NMT2: variants seen among roughly 807,000 people sequenced by gnomAD.
NMT2 encodes N-myristoyltransferase 2.
A neutral mutation model predicts 65.4 loss-of-function variants in NMT2; 35 were observed. The observed-to-expected ratio is 0.54, with a 90% CI of 0.41 to 0.71. The LOEUF is 0.71. Ranked by LOEUF, NMT2 falls within the 30% of genes least tolerant of loss-of-function variation. The pLI is 0.00. For synonymous variants in NMT2, 226 were observed against 231.8 expected (o/e 0.98, Z 0.23); for missense variants, 489 against 611.3 (o/e 0.80, Z 2.11).
intron 1 of NMT2, among the ~76,000 whole-genome samples, chr10:15,148,443 T>C (rs1847036222): frequency 6.6e-6 from 1 of 151,984 alleles, no homozygotes; most frequent in Admixed American, 6.6e-5. Context: ...AGTCCAGGAG[T>C]TTGAGGCTGC....
rs1845297073 is a variant in NMT2 at position 15,106,187 on chromosome 10, CT to C, written c.*3007del. On this transcript the variant is annotated 3_prime_UTR_variant, in exon 12 of 12. Coordinates refer to ENST00000378165, the MANE Select transcript of NMT2 (RefSeq NM_004808.3). ...TTTTGTAATTTTAGTAGAGATAGGG[CT>C]TCACCATGTTGGCCAGGCTGGTCTC... 2 of 227,268 alleles carry C rather than the reference CT, an allele frequency of 8.8e-6. No homozygotes were observed. Among genetic ancestry groups the C allele is most frequent in the African/African-American group, 4.8e-5 (2 of 41,880 alleles). 14.1% of individuals were successfully genotyped at this position (227,268 alleles called of 1,614,324 possible).
intron 6 of NMT2, among the ~76,000 whole-genome samples, chr10:15,130,703 CAAAAAAAAAAAAAAAA>C (rs974360507): frequency 3.5e-5 from 1 of 28,634 alleles, no homozygotes; most frequent in Non-Finnish European, 6.7e-5. Flanking sequence ...GGCCCTGTCT[CAAAAAAAAAAAAAAAA>C]AAAAAAAAGA....
At chr10:15,123,566 T>C (rs1297558952) in intron 8 of NMT2, among the ~76,000 whole-genome samples, 2 of 151,572 alleles carry the variant, frequency 1.3e-5, no homozygotes, top group African/African-American at 2.4e-5. Flanking sequence ...GAAATAACTT[T>C]TGAAAAGCAA....
intron 8 of NMT2, among the ~76,000 whole-genome samples, chr10:15,127,044 A>T (rs557183129): frequency 7.2e-5 from 11 of 151,804 alleles, no homozygotes; most frequent in Admixed American, 7.2e-4. Context: ...CAGCCTGGCC[A>T]ACATGGTGAA....
rs1845370430 is a variant in NMT2 at position 15,108,120 on chromosome 10, T to C, written c.*1075A>G. ...TCCTTTTCTTCATATATCCTTGATG[T>C]TGCTGAGAAGAAACTGAACTTTGCA... On this transcript the variant is annotated 3_prime_UTR_variant, in exon 12 of 12. Coordinates refer to ENST00000378165, the MANE Select transcript of NMT2 (RefSeq NM_004808.3). 7 of 985,332 alleles carry C rather than the reference T, an allele frequency of 7.1e-6. No individual in the cohort carries two copies. Among genetic ancestry groups the C allele is most frequent in the Non-Finnish European group, 8.4e-6 (7 of 829,924 alleles). 61.0% of individuals were successfully genotyped at this position (985,332 alleles called of 1,614,324 possible).
intron 6 of NMT2, among the ~76,000 whole-genome samples, chr10:15,131,441 G>A (rs955113626): frequency 1.3e-5 from 2 of 151,260 alleles, no homozygotes; most frequent in African/African-American, 2.4e-5. Flanking sequence ...GAATCACTAC[G>A]ACCTGCCCGT....
chr10:15,110,388 G>T (rs772535995), intron 10 of NMT2, among the ~76,000 whole-genome samples: 1 of 152,220 alleles, frequency 6.6e-6, no homozygotes, highest in Non-Finnish European at 1.5e-5. Context: ...GCCAAGGTGG[G>T]AGGCTCACTG....
intron 9 of NMT2, among the ~76,000 whole-genome samples, chr10:15,118,762 G>A (rs1444229916): frequency 6.6e-6 from 1 of 152,110 alleles, no homozygotes; most frequent in African/African-American, 2.4e-5. Flanking sequence ...CCATACCCAC[G>A]TCTTGTGAGG....
At chr10:15,141,687 G>A (rs993113964) in intron 1 of NMT2, 130 bp from the exon 2 acceptor site, 3 of 1,214,044 alleles carry the variant, frequency 2.5e-6, no homozygotes, top group Non-Finnish European at 3.4e-6. Context: ...GTGTTAGGAT[G>A]TAGGTGAGGA....
At chr10:15,167,511 T>A (rs1373793198) in intron 1 of NMT2, among the ~76,000 whole-genome samples, 2 of 151,984 alleles carry the variant, frequency 1.3e-5, no homozygotes, top group Admixed American at 6.6e-5. Flanking sequence ...CTCACCATGG[T>A]TCGAAAAATC....
At chr10:15,112,174 TTATATATATATATATATATATATA>T in intron 10 of NMT2, among the ~76,000 whole-genome samples, 44 of 28,872 alleles carry the variant, frequency 1.5e-3, no homozygotes, top group Middle Eastern at 0.019. Flanking sequence ...GATATGGGCT[TTATATATATATATATATATATATA>T]TATATATATA....
chr10:15,155,619 G>C (rs1564589903), intron 1 of NMT2, among the ~76,000 whole-genome samples: 1 of 136,320 alleles, frequency 7.3e-6, no homozygotes. Flanking sequence ...CTGGGCTCAA[G>C]TGATCCTCCC....
chr10:15,158,619 T>A (rs955167119), intron 1 of NMT2, among the ~76,000 whole-genome samples: 2 of 152,216 alleles, frequency 1.3e-5, no homozygotes, highest in African/African-American at 4.8e-5. Flanking sequence ...GAAAGTGCTG[T>A]CTCCATGCAC....
At chr10:15,151,649 C>T (rs981153445) in intron 1 of NMT2, among the ~76,000 whole-genome samples, 4 of 152,214 alleles carry the variant, frequency 2.6e-5, no homozygotes, top group African/African-American at 9.6e-5. Flanking sequence ...ATTTGACAGA[C>T]AAACAGGGAC....
intron 1 of NMT2, among the ~76,000 whole-genome samples, chr10:15,142,035 C>A (rs997034555): frequency 2.0e-5 from 3 of 152,254 alleles, no homozygotes; most frequent in African/African-American, 4.8e-5. Context: ...GGGGGGCTAA[C>A]AATGAAAAGC....
At chr10:15,140,073 G>A (rs917981931) in intron 2 of NMT2, among the ~76,000 whole-genome samples, 6 of 151,486 alleles carry the variant, frequency 4.0e-5, no homozygotes, top group Admixed American at 2.6e-4. Flanking sequence ...CCAAGCTCAA[G>A]GTCTCAGACA....
intron 8 of NMT2, among the ~76,000 whole-genome samples, chr10:15,126,696 G>C (rs1441430214): frequency 6.6e-6 from 1 of 152,184 alleles, no homozygotes; most frequent in Non-Finnish European, 1.5e-5. Context: ...CCCTAGTCAA[G>C]TTTCAGATGA....
chr10:15,168,559 G>C lies in NMT2; in HGVS notation c.54C>G (p.Asp18Glu). 2 of 1,593,938 alleles carry C rather than the reference G, an allele frequency of 1.3e-6. No homozygotes were observed. Among genetic ancestry groups the C allele is most frequent in the Non-Finnish European group, 1.7e-6 (2 of 1,172,872 alleles). The part of the protein sequence containing the change: ...AASQQSLELD[D>E]QDTCGIDGDN... The stretch of plus-strand genomic sequence containing the variant: ...CCCCGTCTATCCCGCACGTGTCCTG[G>C]TCGTCCAGTTCCAGGCTCTGCTGGC... The change falls in exon 1 of 12, where the codon GAC becomes GAG. Residue 18 changes from aspartate (D) to glutamate (E), a missense_variant. Asp to Glu is a conservative substitution (Grantham distance 45). Coordinates refer to ENST00000378165, the MANE Select transcript of NMT2 (RefSeq NM_004808.3).
chr10:15,144,685 T>C (rs925972012), intron 1 of NMT2, among the ~76,000 whole-genome samples: 4 of 151,664 alleles, frequency 2.6e-5, no homozygotes, highest in Admixed American at 6.6e-5. Flanking sequence ...GAGCCGAGAT[T>C]GCACCACTGC....
Sources: gnomAD v4.1 joint callset for allele counts (sites outside exome capture counted in the v4.1 genomes callset) on GRCh38, gnomAD v4.1.1 for gene constraint, MANE v1.5 for transcripts, NCBI Gene and HGNC (gene_info 2026-07-23, HGNC 2026-07-21) for gene names.